ARHGEF26: variants seen among roughly 807,000 people sequenced by gnomAD.
The protein encoded by ARHGEF26 is Rho guanine nucleotide exchange factor (GEF) 26.
In ARHGEF26, 59 loss-of-function variants were observed where a neutral mutation model predicts 89.4. That is an observed-to-expected ratio of 0.66 (90% CI 0.54 to 0.82). ARHGEF26 has a LOEUF of 0.82. Among genes scored for constraint, ARHGEF26 ranks in the 40% least tolerant of loss-of-function variants. ARHGEF26 has a pLI of 0.00. For synonymous variants in ARHGEF26, 500 were observed against 428.4 expected, an observed-to-expected ratio of 1.17 and a Z score of -2.06; for missense variants, 1,234 against 1,085.6, an observed-to-expected ratio of 1.14 and a Z score of -1.92.
At chr3:154,212,781 G>C (rs962317615) in intron 9 of ARHGEF26, among the ~76,000 whole-genome samples, 1 of 152,162 alleles carries the variant, frequency 6.6e-6, no homozygotes, top group African/African-American at 2.4e-5. Context: ...GGAGGAGGCA[G>C]AGCTCAGCCA....
At chr3:154,180,718 C>T (rs1240919378) in intron 6 of ARHGEF26, among the ~76,000 whole-genome samples, 1 of 41,500 alleles carries the variant, frequency 2.4e-5, no homozygotes, top group African/African-American at 1.2e-4. Context: ...ATTTCTTATC[C>T]TCTTATTATC....
intron 8 of ARHGEF26, among the ~76,000 whole-genome samples, chr3:154,192,553 C>G (rs930173264): frequency 1.4e-4 from 21 of 152,142 alleles, no homozygotes; most frequent in Non-Finnish European, 5.9e-5. Flanking sequence ...GAACTTCCCC[C>G]CTGTGTACAT....
chr3:154,221,449 C>T (rs1010400318), intron 10 of ARHGEF26, among the ~76,000 whole-genome samples: 1 of 152,160 alleles, frequency 6.6e-6, no homozygotes, highest in African/African-American at 2.4e-5. Context: ...ATGCAAGTTA[C>T]TACAACTCAG....
chr3:154,183,924 T>C (rs984435567), intron 6 of ARHGEF26, among the ~76,000 whole-genome samples: 7 of 152,092 alleles, frequency 4.6e-5, no homozygotes, highest in Non-Finnish European at 1.0e-4. Context: ...TCAAGATATT[T>C]ATATCCTAGA....
At chr3:154,127,934 T>C (rs1718435974) in intron 3 of ARHGEF26, among the ~76,000 whole-genome samples, 1 of 152,194 alleles carries the variant, frequency 6.6e-6, no homozygotes, top group African/African-American at 2.4e-5. Context: ...CGTGACTGTA[T>C]TATGTTTCCT....
At chr3:154,211,034 G>A (rs1476411392) in intron 9 of ARHGEF26, among the ~76,000 whole-genome samples, 2 of 151,746 alleles carry the variant, frequency 1.3e-5, no homozygotes, top group Non-Finnish European at 2.9e-5. Context: ...TGGCTGAGCT[G>A]GTATCCAAGA....
intron 9 of ARHGEF26, among the ~76,000 whole-genome samples, chr3:154,210,470 A>T (rs1278753753): frequency 6.6e-6 from 1 of 151,726 alleles, no homozygotes; most frequent in African/African-American, 2.4e-5. Flanking sequence ...CTCACCACCA[A>T]GCCTGACTAA....
At chr3:154,198,678 G>A (rs1714435329) in intron 9 of ARHGEF26, among the ~76,000 whole-genome samples, 1 of 152,026 alleles carries the variant, frequency 6.6e-6, no homozygotes, top group African/African-American at 2.4e-5. Context: ...GCTAAGCTAT[G>A]AGGATGCAAA....
At chr3:154,169,095 A>T (rs994136976) in intron 6 of ARHGEF26, among the ~76,000 whole-genome samples, 1 of 152,104 alleles carries the variant, frequency 6.6e-6, no homozygotes, top group African/African-American at 2.4e-5. Context: ...TAGATGAGGA[A>T]AGGGGAGGCT....
At chr3:154,186,134 T>TAGACACAC (rs1713512293) in intron 6 of ARHGEF26, among the ~76,000 whole-genome samples, 1 of 26,884 alleles carries the variant, frequency 3.7e-5, no homozygotes, top group South Asian at 3.4e-3. Flanking sequence ...TACACACACT[T>TAGACACAC]AGACACACAC....
chr3:154,188,504 C>T (rs1418860356), intron 7 of ARHGEF26, among the ~76,000 whole-genome samples: 1 of 152,184 alleles, frequency 6.6e-6, no homozygotes, highest in Non-Finnish European at 1.5e-5. Context: ...TTAAAAGAGT[C>T]ACCAATTGTT....
intron 6 of ARHGEF26, among the ~76,000 whole-genome samples, chr3:154,178,404 C>A (rs1429361621): frequency 6.6e-6 from 1 of 152,086 alleles, no homozygotes; most frequent in African/African-American, 2.4e-5. Context: ...CATTTCCCCC[C>A]ACACTTCCCC....
chr3:154,145,205 G>T (rs1440803319), intron 4 of ARHGEF26, among the ~76,000 whole-genome samples: 1 of 152,170 alleles, frequency 6.6e-6, no homozygotes, highest in Non-Finnish European at 1.5e-5. Context: ...AGGATTTCAA[G>T]CATACTCTCA....
chr3:154,135,870 C>T (rs1161587859), intron 4 of ARHGEF26, among the ~76,000 whole-genome samples: 4 of 152,182 alleles, frequency 2.6e-5, no homozygotes, highest in African/African-American at 9.7e-5. Context: ...ACCCCCTCCA[C>T]CTCTCCAAGA....
In ARHGEF26 at chr3:154,122,588, A is replaced by C; in HGVS notation, c.596A>C (p.Glu199Ala). The change falls in exon 2 of 15, where the codon GAA becomes GCA. Residue 199 changes from glutamate to alanine, a missense_variant. Transcript: ENST00000465093. ...SQSGRKAKDP[E>A]RGLFPGPQKS... is the part of the protein sequence containing the mutation. ...TCCGGCCGGAAGGCAAAGGACCCCGAACGGGGGCTCTTTCCTGGGCCCCAG... is the reference window on the plus strand; with the variant it reads ...TCCGGCCGGAAGGCAAAGGACCCCGCACGGGGGCTCTTTCCTGGGCCCCAG... 1 of 1,613,668 alleles carries C rather than the reference A, an allele frequency of 6.2e-7. No homozygotes were observed. The highest frequency in any genetic ancestry group is 8.5e-7 in the Non-Finnish European group (1 of 1,179,874).
intron 10 of ARHGEF26, among the ~76,000 whole-genome samples, chr3:154,221,234 T>G (rs1183911459): frequency 1.3e-5 from 2 of 152,200 alleles, no homozygotes; most frequent in African/African-American, 4.8e-5. Context: ...TGAAGATGCT[T>G]TATTTCACTC....
At chr3:154,126,968 A>G (rs1428764443) in intron 3 of ARHGEF26, among the ~76,000 whole-genome samples, 1 of 152,216 alleles carries the variant, frequency 6.6e-6, no homozygotes, top group Non-Finnish European at 1.5e-5. Context: ...TTGTAACACA[A>G]TGATATTTGT....
intron 6 of ARHGEF26, among the ~76,000 whole-genome samples, chr3:154,162,778 AG>A (rs1711747766): frequency 6.6e-6 from 1 of 152,160 alleles, no homozygotes; most frequent in Non-Finnish European, 1.5e-5. Flanking sequence ...CTGCCGAGAT[AG>A]GCTCTGGCCA....
chr3:154,140,705 T>C (rs895587260), intron 4 of ARHGEF26, among the ~76,000 whole-genome samples: 1 of 150,472 alleles, frequency 6.6e-6, no homozygotes, highest in Admixed American at 6.7e-5. Context: ...CTCAGCCTCC[T>C]GAGGAGGTGG....
Sources: gnomAD v4.1 joint callset for allele counts (sites outside exome capture counted in the v4.1 genomes callset) on GRCh38, gnomAD v4.1.1 for gene constraint, MANE v1.5 for transcripts, NCBI Gene and HGNC (gene_info 2026-07-23, HGNC 2026-07-21) for gene names.